Variants in KALRN observed in about 807,000 individuals in gnomAD.
The protein encoded by KALRN is kalirin.
A neutral mutation model predicts 353.7 loss-of-function variants in KALRN; 70 were observed. The ratio of observed to expected loss-of-function variants is 0.20; its 90% confidence interval spans 0.16 to 0.24. The LOEUF is 0.24. Among genes scored for constraint, KALRN ranks in the 10% least tolerant of loss-of-function variants. The pLI, the probability that KALRN is intolerant of heterozygous loss-of-function variation, is 1.00. For synonymous variants in KALRN, 1,391 were observed against 1,434.8 expected (o/e 0.97, Z 0.69); for missense variants, 2,791 against 3,756.7 (o/e 0.74, Z 6.72).
intron 10 of KALRN, among the ~76,000 whole-genome samples, chr3:124,365,756 T>TC (rs758452407): frequency 6.6e-6 from 1 of 152,158 alleles, no homozygotes; most frequent in Non-Finnish European, 1.5e-5. Context: ...AGGTCCAGAC[T>TC]CCCTGCCTGT....
intron 3 of KALRN, among the ~76,000 whole-genome samples, chr3:124,243,619 A>T (rs900067539): frequency 6.6e-6 from 1 of 152,158 alleles, no homozygotes; most frequent in Non-Finnish European, 1.5e-5. Flanking sequence ...GAGTGGAACA[A>T]TAGCAGAGAA....
chr3:124,539,681 TC>T (rs1446773327), intron 33 of KALRN, among the ~76,000 whole-genome samples: 7 of 152,190 alleles, frequency 4.6e-5, no homozygotes, highest in Admixed American at 3.9e-4. Flanking sequence ...TTTTCCAGAT[TC>T]TTTTGAAGGA....
intron 32 of KALRN, among the ~76,000 whole-genome samples, chr3:124,496,012 T>TATATATATATATACAC (rs1345047394): frequency 1.6e-4 from 7 of 43,698 alleles, no homozygotes; most frequent in South Asian, 8.8e-4. Context: ...TATATATATA[T>TATATATATATATACAC]ACACACACAT....
intron 1 of KALRN, among the ~76,000 whole-genome samples, chr3:124,083,366 G>A (rs1057248142): frequency 3.3e-5 from 5 of 152,214 alleles, no homozygotes; most frequent in Middle Eastern, 6.8e-3. Context: ...CAGCTGAGTT[G>A]GCCAGGAAGG....
Position 124,388,793 on chromosome 3 carries a change from G to A in KALRN, c.1962+3757G>A, listed in dbSNP as rs1407097759. On this transcript the variant is annotated intron_variant, in intron 11 of 59. Coordinates refer to ENST00000682506, the MANE Select transcript of KALRN (RefSeq NM_001388419.1). The stretch of plus-strand genomic sequence containing the variant: ...AGACAGAAATGAGCATCCTTGAATG[G>A]TCTCATGGAAGAACTCCTGTGGTTT... Among the ~76,000 whole-genome samples, 3 of 152,120 alleles carry A rather than the reference G, an allele frequency of 2.0e-5. No homozygotes were observed. In the East Asian group the frequency reaches 5.8e-4, roughly 29 times the overall value.
At chr3:124,289,760 GT>G (rs2076266388) in intron 5 of KALRN, among the ~76,000 whole-genome samples, 1 of 152,132 alleles carries the variant, frequency 6.6e-6, no homozygotes, top group Admixed American at 6.5e-5. Flanking sequence ...TTAATACTGA[GT>G]TTTCACCATG....
intron 1 of KALRN, among the ~76,000 whole-genome samples, chr3:124,222,241 T>C (rs1009015678): frequency 8.5e-5 from 13 of 152,236 alleles, no homozygotes; most frequent in African/African-American, 3.1e-4. Flanking sequence ...ACAGGTGTTA[T>C]TCATAAACAC....
At chr3:124,187,269 C>T (rs1020957508) in intron 1 of KALRN, among the ~76,000 whole-genome samples, 6 of 151,904 alleles carry the variant, frequency 3.9e-5, no homozygotes, top group South Asian at 2.1e-4. Flanking sequence ...TTAGTAGAGG[C>T]GGGGGTTTCG....
intron 3 of KALRN, among the ~76,000 whole-genome samples, chr3:124,241,066 T>A (rs533865492): frequency 6.6e-6 from 1 of 152,246 alleles, no homozygotes; most frequent in South Asian, 2.1e-4. Flanking sequence ...AAGCGAGCAC[T>A]TGAGAGCCTA....
chr3:124,444,821 AAAAG>A lies in KALRN; in HGVS notation c.3314-1326_3314-1323del, dbSNP rs796224925. Among the ~76,000 whole-genome samples, 252 of 151,862 alleles carry A rather than the reference AAAAG, an allele frequency of 1.7e-3. 2 individuals carry two copies. Among genetic ancestry groups the A allele is most frequent in the African/African-American group, 5.5e-3 (228 of 41,422 alleles). On this transcript the variant is annotated intron_variant, in intron 19 of 59. Coordinates refer to ENST00000682506, the MANE Select transcript of KALRN (RefSeq NM_001388419.1). Reference sequence around the variant, plus strand: ...TCAAAAAAAAAAAAAAAGAACAAGAAAAAGAAAGAAAGAAAGAGAGAGAAAGAAA... The same window carrying A: ...TCAAAAAAAAAAAAAAAGAACAAGAAAAAGAAAGAAAGAGAGAGAAAGAAA...
Position 124,511,058 on chromosome 3 carries a change from C to T in KALRN, c.4935+14645C>T, listed in dbSNP as rs925870270. 3.6e-4 allele frequency among the ~76,000 whole-genome samples: 55 copies of T among 152,102 alleles called. 1 individual carries two copies. Among genetic ancestry groups the T allele is most frequent in the Admixed American group, 2.9e-3 (45 of 15,276 alleles). Reference sequence around the variant, plus strand: ...TTCATATCTGGAAATGCCCACTGCTCTCCACATTAATCCATGCCCTTCCCC... The same window carrying T: ...TTCATATCTGGAAATGCCCACTGCTTTCCACATTAATCCATGCCCTTCCCC... On this transcript the variant is annotated intron_variant, in intron 33 of 59. Coordinates refer to ENST00000682506, the MANE Select transcript of KALRN (RefSeq NM_001388419.1).
At chr3:124,485,668 T>G (rs1448720201) in intron 28 of KALRN, among the ~76,000 whole-genome samples, 1 of 152,116 alleles carries the variant, frequency 6.6e-6, no homozygotes, top group African/African-American at 2.4e-5. Flanking sequence ...TCACTTGAGG[T>G]CAGGAGTTTG....
intron 1 of KALRN, among the ~76,000 whole-genome samples, chr3:124,076,868 G>A (rs941758977): frequency 2.0e-5 from 3 of 152,128 alleles, no homozygotes; most frequent in African/African-American, 2.4e-5. Flanking sequence ...CAAGAACAGC[G>A]GCAAATATGC....
At chr3:124,245,982 A>C (rs1256642233) in intron 3 of KALRN, among the ~76,000 whole-genome samples, 6 of 152,006 alleles carry the variant, frequency 3.9e-5, no homozygotes, top group Admixed American at 3.9e-4. Context: ...TGCCTGGCTT[A>C]TTTCACTTAA....
At chr3:124,295,528 G>C (rs1445909177) in intron 5 of KALRN, among the ~76,000 whole-genome samples, 1 of 152,266 alleles carries the variant, frequency 6.6e-6, no homozygotes, top group East Asian at 1.9e-4. Flanking sequence ...CTGTGGTTGA[G>C]GGATCTGGTG....
intron 1 of KALRN, among the ~76,000 whole-genome samples, chr3:124,226,042 G>A (rs1457093522): frequency 6.6e-6 from 1 of 152,146 alleles, no homozygotes; most frequent in East Asian, 1.9e-4. Context: ...TAAAATTAAT[G>A]TATAGAAAGA....
intron 1 of KALRN, among the ~76,000 whole-genome samples, chr3:124,209,585 A>C (rs762071871): frequency 7.2e-5 from 11 of 152,030 alleles, no homozygotes; most frequent in Non-Finnish European, 1.3e-4. Context: ...TCAGGCCTGA[A>C]GGAACTGTAT....
chr3:124,613,022 G>A (rs1285126553), intron 34 of KALRN, among the ~76,000 whole-genome samples: 1 of 152,174 alleles, frequency 6.6e-6, no homozygotes, highest in Non-Finnish European at 1.5e-5. Flanking sequence ...ATATCTGCAG[G>A]GATGCCTGTA....
chr3:124,483,500 C>T (rs998394942), intron 28 of KALRN, among the ~76,000 whole-genome samples: 1 of 152,006 alleles, frequency 6.6e-6, no homozygotes, highest in Non-Finnish European at 1.5e-5. Flanking sequence ...TGCAGTGATC[C>T]GAGATCGTGT....
Sources: allele counts gnomAD v4.1 joint callset (sites outside exome capture counted in the v4.1 genomes callset), GRCh38; gene constraint gnomAD v4.1.1; transcripts MANE v1.5; gene names NCBI Gene and HGNC (gene_info 2026-07-23, HGNC 2026-07-21).